Variants in SMC4 observed in about 807,000 individuals in gnomAD.
SMC4 encodes structural maintenance of chromosomes 4.
In SMC4, 87 loss-of-function variants were observed where a neutral mutation model predicts 145.6. The observed-to-expected ratio is 0.60, with a 90% CI of 0.50 to 0.71. The LOEUF (loss-of-function observed/expected upper bound fraction) is 0.71, where lower values mean the gene tolerates loss of function less well. SMC4 is among the 30% of genes least tolerant of loss of function. The pLI is 0.00. For missense variants in SMC4, 1,447 were observed against 1,537.1 expected, an observed-to-expected ratio of 0.94 and a Z score of 0.98; for synonymous variants, 558 against 500.7, an observed-to-expected ratio of 1.11 and a Z score of -1.53.
In SMC4 at chr3:160,416,345, A is replaced by G. The variant is rs1442922982; in HGVS notation, c.1367A>G (p.Glu456Gly). The G allele has an allele frequency of 5.0e-6, 8 of 1,605,884 alleles. No individual in the cohort carries two copies. Among genetic ancestry groups the G allele is most frequent in the Non-Finnish European group, 6.8e-6 (8 of 1,175,952 alleles). The change falls in exon 10 of 24, where the codon GAA (glutamate) becomes GGA (glycine). Residue 456 changes from glutamate to glycine, a missense_variant. Glu to Gly is a moderately conservative substitution (Grantham distance 98). Coordinates refer to ENST00000357388, the MANE Select transcript of SMC4 (RefSeq NM_001002800.3). ...GCCCTCGAGAAGGAAAAAGAGAAAGAAGAAAAAAAATTAAAGGAAGTTATG... is the reference window on the plus strand; with the variant it reads ...GCCCTCGAGAAGGAAAAAGAGAAAGGAGAAAAAAAATTAAAGGAAGTTATG... ...NNALEKEKEK[E>G]EKKLKEVMDS...
intron 9 of SMC4, among the ~76,000 whole-genome samples, chr3:160,415,691 CCCCAAAGACTTGACAGACTTAG>C (rs1317609729): frequency 1.3e-5 from 2 of 152,150 alleles, no homozygotes; most frequent in African/African-American, 4.8e-5. Context: ...TTGGGGGTAA[CCCCAAAGACTTGACAGACTTAG>C]CTAAGTGTAA....
intron 18 of SMC4, 107 bp from the exon 19 acceptor site, chr3:160,430,492 A>G (rs1041684700): frequency 2.0e-6 from 2 of 1,001,106 alleles, no homozygotes; most frequent in Admixed American, 2.7e-5. Flanking sequence ...AAATATATGA[A>G]TAGAAAAAAT....
At chr3:160,417,553 T>G in intron 10 of SMC4, 170 bp from the exon 11 acceptor site, 1 of 612,454 alleles carries the variant, frequency 1.6e-6, no homozygotes, top group East Asian at 2.8e-5. Flanking sequence ...CAGTGAATAT[T>G]GACAACTAGG....
At chr3:160,428,732 T>C (rs1718062060) in intron 17 of SMC4, 21 bp from the exon 18 acceptor site, 2 of 1,555,102 alleles carry the variant, frequency 1.3e-6, no homozygotes, top group Non-Finnish European at 1.7e-6. Flanking sequence ...ACAAATTAGG[T>C]TCTTTATTTT....
At chr3:160,404,222 T>C in intron 4 of SMC4, 106 bp from the exon 5 acceptor site, 1 of 1,049,786 alleles carries the variant, frequency 9.5e-7, no homozygotes, top group Non-Finnish European at 1.4e-6. Context: ...TCAATTGAAG[T>C]TTTTAATCCA....
chr3:160,430,516 T>G lies in SMC4; in HGVS notation c.2796-83T>G, dbSNP rs1718285073. ...AATAGAAAAAATGTCACATTAAATT[T>G]CATGAAAAGTTCTTTAGTAGGTTTT... is the stretch of plus-strand genomic sequence containing the variant. On this transcript the variant is annotated intron_variant, in intron 18 of 23. Coordinates refer to ENST00000357388, the MANE Select transcript of SMC4 (RefSeq NM_001002800.3). 2.6e-6 allele frequency: 3 copies of G among 1,172,466 alleles called. No individual in the cohort carries two copies. The South Asian group carries it at 6.1e-5, about 24-fold the overall frequency. 72.6% of individuals were successfully genotyped at this position (1,172,466 alleles called of 1,614,324 possible).
In SMC4 at chr3:160,419,457, G is replaced by A. The variant is rs773036181; in HGVS notation, c.1771G>A (p.Ala591Thr). 1.9e-5 allele frequency: 30 copies of A among 1,611,840 alleles called. No homozygotes were observed. The highest frequency in any genetic ancestry group is 4.2e-6 in the Non-Finnish European group (5 of 1,179,550). The part of the protein sequence containing the change: ...QKVEEAKSSL[A>T]MNRSRGKVLD... ...AGTTGAAGAAGCAAAGAGCTCATTAGCAATGAATCGAAGTAGGGGGAAAGT... is the reference window on the plus strand; with the variant it reads ...AGTTGAAGAAGCAAAGAGCTCATTAACAATGAATCGAAGTAGGGGGAAAGT... Residue 591 changes from alanine (A) to threonine (T), a missense_variant, in exon 12 of 24, where the codon GCA becomes ACA. Ala to Thr is a moderately conservative substitution (Grantham distance 58). Coordinates refer to ENST00000357388, the MANE Select transcript of SMC4 (RefSeq NM_001002800.3).
In SMC4 at chr3:160,433,930, T is replaced by A. The variant is rs527991155; in HGVS notation, c.*121T>A. On this transcript the variant is annotated 3_prime_UTR_variant, in exon 24 of 24. Coordinates refer to ENST00000357388, the MANE Select transcript of SMC4 (RefSeq NM_001002800.3). ...AACTAGATCATGAAACTGGTTTCTGTTTTATGCAGTTGTCATTTGTAAAGT... is the reference window on the plus strand; with the variant it reads ...AACTAGATCATGAAACTGGTTTCTGATTTATGCAGTTGTCATTTGTAAAGT... The A allele has an allele frequency of 1.5e-6, 1 of 651,892 alleles. No individual in the cohort carries two copies. The highest frequency in any genetic ancestry group is 2.6e-6 in the Non-Finnish European group (1 of 390,606). 40.4% of individuals were successfully genotyped at this position (651,892 alleles called of 1,614,324 possible).
At chr3:160,419,252 G>GTCTT in intron 11 of SMC4, 106 bp from the exon 12 acceptor site, 1 of 744,108 alleles carries the variant, frequency 1.3e-6, no homozygotes, top group South Asian at 2.8e-5. Context: ...TTTATTGTTG[G>GTCTT]TCTTTCTTTC....
At chr3:160,432,202 A>C in intron 21 of SMC4, 81 bp from the exon 22 acceptor site, 1 of 1,160,054 alleles carries the variant, frequency 8.6e-7, no homozygotes, top group East Asian at 2.5e-5. Context: ...ACTACGTCTC[A>C]AAACAAAGTA....
chr3:160,426,754 G>C (rs1401586619), intron 17 of SMC4, among the ~76,000 whole-genome samples: 2 of 152,150 alleles, frequency 1.3e-5, no homozygotes, highest in Non-Finnish European at 2.9e-5. Context: ...TCATGCACTT[G>C]AGCAGCTGTG....
chr3:160,406,035 C>T (rs1011681103), intron 5 of SMC4, among the ~76,000 whole-genome samples: 4 of 151,982 alleles, frequency 2.6e-5, no homozygotes, highest in Non-Finnish European at 4.4e-5. Flanking sequence ...TGTACAGCAT[C>T]TCTGTACGTA....
chr3:160,419,960 A>AT (rs1330766324), intron 12 of SMC4, among the ~76,000 whole-genome samples: 1 of 151,194 alleles, frequency 6.6e-6, no homozygotes, highest in African/African-American at 2.4e-5. Flanking sequence ...ATTAAAAAAA[A>AT]TTTTTTTATA....
chr3:160,427,223 C>T (rs531558571), intron 17 of SMC4, among the ~76,000 whole-genome samples: 2 of 152,268 alleles, frequency 1.3e-5, no homozygotes, highest in Admixed American at 6.5e-5. Context: ...AAAGTCTCTT[C>T]CCAGGGAGCA....
rs556964497 is a variant in SMC4, at chr3:160,419,630, A to G, written c.1857+87A>G. ...TTTTTGCCTTGACAACCATATTTCA[A>G]GTGTCACTGTATATAAAATAAGATT... On this transcript the variant is annotated intron_variant, in intron 12 of 23. Transcript: ENST00000357388. 1.2e-5 allele frequency: 14 copies of G among 1,177,952 alleles called. No individual in the cohort carries two copies. In the East Asian group the frequency reaches 1.2e-4, roughly 10 times the overall value. The allele number at this position is 1,177,952 out of a possible 1,614,324, so 73.0% of individuals were successfully genotyped here. A position where few individuals can be genotyped will look rare whatever the true frequency, so the allele number is the denominator to read the frequency against.
chr3:160,420,819 A>G lies in SMC4; in HGVS notation c.1937A>G (p.Asp646Gly), dbSNP rs1371649309. ...CATGCACTGGACTACATTGTTGTTG[A>G]TTCTATTGATATAGCCCAAGAATGT... Reference protein sequence around the residue: ...CCHALDYIVVDSIDIAQECVN... With the variant: ...CCHALDYIVVGSIDIAQECVN... The change falls in exon 13 of 24, where the codon GAT becomes GGT. Residue 646 changes from aspartate to glycine, a missense_variant. Asp to Gly is a moderately conservative substitution (Grantham distance 94). Coordinates refer to ENST00000357388, the MANE Select transcript of SMC4 (RefSeq NM_001002800.3). 1 of 1,613,948 alleles carries G rather than the reference A, an allele frequency of 6.2e-7. No homozygotes were observed. The highest frequency in any genetic ancestry group is 1.3e-5 in the African/African-American group (1 of 74,922).
At position 160,425,154 on chromosome 3, in the gene SMC4, T is replaced by C. The variant is rs944549960; in HGVS notation, c.2478+135T>C. On this transcript the variant is annotated intron_variant, in intron 16 of 23. Transcript: ENST00000357388. Reference sequence around the variant, plus strand: ...GGGAGGGAGGATCTATAGGCAGATATAACTCTTGATGATTTTGTTTCACTG... The same window carrying C: ...GGGAGGGAGGATCTATAGGCAGATACAACTCTTGATGATTTTGTTTCACTG... 1.2e-5 allele frequency: 16 copies of C among 1,304,436 alleles called. No individual in the cohort carries two copies. In the South Asian group the frequency reaches 1.3e-4, roughly 11 times the overall value. 80.8% of individuals were successfully genotyped at this position (1,304,436 alleles called of 1,614,324 possible).
chr3:160,416,581 C>A, intron 10 of SMC4, 166 bp downstream of exon 10: 1 of 403,130 alleles, frequency 2.5e-6, no homozygotes. Flanking sequence ...TCTTTTAATT[C>A]CTGCTGACAT....
rs1560010802 is a variant in SMC4 at position 160,426,182 on chromosome 3, G to GT, written c.2589dup (p.Ser864Ter). ...AAAGCAGAAATTGCTAGAAGAAAAC[G>GT]TTAGTGCTTTCAAAACAGGTATGTT... On this transcript the variant is annotated frameshift_variant, in exon 17 of 24. Transcript: ENST00000357388. LOFTEE classifies it high-confidence loss of function. 6.2e-7 allele frequency: 1 copy of GT among 1,607,598 alleles called. No homozygotes were observed. Among genetic ancestry groups the GT allele is most frequent in the Admixed American group, 1.7e-5 (1 of 58,836 alleles).
Sources: allele counts gnomAD v4.1 joint callset (sites outside exome capture counted in the v4.1 genomes callset), GRCh38; gene constraint gnomAD v4.1.1; transcripts MANE v1.5; gene names NCBI Gene and HGNC (gene_info 2026-07-23, HGNC 2026-07-21).